The following DOCK2 variants were observed in gnomAD, a reference collection of about 807,000 sequenced individuals.
DOCK2 encodes the protein dedicator of cytokinesis protein 2.
Under a neutral mutation model 248.9 loss-of-function variants are expected in DOCK2, and 87 were observed. That is an observed-to-expected ratio of 0.35 (90% CI 0.29 to 0.42). DOCK2 has a LOEUF of 0.42. Among genes scored for constraint, DOCK2 ranks in the 10% least tolerant of loss-of-function variants. DOCK2 has a pLI of 1.00. For missense variants in DOCK2, 1,747 were observed against 2,300.2 expected (o/e 0.76, Z 4.92); for synonymous variants, 805 against 821.6 (o/e 0.98, Z 0.35).
At chr5:169,875,027 A>T (rs879602874) in intron 27 of DOCK2, among the ~76,000 whole-genome samples, 29 of 152,070 alleles carry the variant, frequency 1.9e-4, no homozygotes, top group Non-Finnish European at 3.2e-4. Context: ...CTAAAATCAA[A>T]GCCAAGCAGA....
intron 22 of DOCK2, among the ~76,000 whole-genome samples, chr5:169,745,714 A>G (rs556509559): frequency 2.6e-5 from 4 of 152,340 alleles, no homozygotes; most frequent in African/African-American, 9.6e-5. Context: ...GTGATTTCAC[A>G]GGCATCCAGG....
At chr5:169,931,474 C>T (rs1265929897) in intron 27 of DOCK2, among the ~76,000 whole-genome samples, 1 of 152,246 alleles carries the variant, frequency 6.6e-6, no homozygotes, top group Admixed American at 6.5e-5. Flanking sequence ...CACTAAGTTC[C>T]TGGCATATAA....
At chr5:169,861,812 C>T (rs1004100110) in intron 27 of DOCK2, among the ~76,000 whole-genome samples, 1 of 152,178 alleles carries the variant, frequency 6.6e-6, no homozygotes, top group African/African-American at 2.4e-5. Context: ...AGAACTCCTT[C>T]CCAGTTTCAG....
intron 42 of DOCK2, among the ~76,000 whole-genome samples, chr5:170,056,062 A>G (rs763675227): frequency 1.7e-4 from 26 of 152,310 alleles, no homozygotes; most frequent in Non-Finnish European, 3.5e-4. Flanking sequence ...GGACAGTCAG[A>G]AACAGGATCT....
At chr5:169,846,224 C>T (rs756060694) in intron 27 of DOCK2, among the ~76,000 whole-genome samples, 1 of 152,124 alleles carries the variant, frequency 6.6e-6, no homozygotes, top group Non-Finnish European at 1.5e-5. Flanking sequence ...AACTCTCATT[C>T]TTATACGGGA....
chr5:169,910,835 C>T (rs996727458), intron 27 of DOCK2, among the ~76,000 whole-genome samples: 1 of 152,190 alleles, frequency 6.6e-6, no homozygotes, highest in Non-Finnish European at 1.5e-5. Flanking sequence ...CTGGCTCCAG[C>T]CCCCAGTAGG....
Position 169,653,610 on chromosome 5 carries a change from G to A in DOCK2, c.44-793G>A, listed in dbSNP as rs190424954. Among the ~76,000 whole-genome samples the A allele has an allele frequency of 2.9e-3, 442 of 152,280 alleles. 1 individual carries two copies. The highest frequency in any genetic ancestry group is 9.5e-3 in the African/African-American group (394 of 41,560). ...TCCCAATGGTGCTGTGCTGGTCGGG[G>A]AGGAGCATGGGCCCAGCTCAGCTGG... On this transcript the variant is annotated intron_variant, in intron 1 of 51. Transcript: ENST00000520908.
intron 27 of DOCK2, among the ~76,000 whole-genome samples, chr5:169,963,970 C>G (rs942364517): frequency 6.6e-6 from 1 of 152,104 alleles, no homozygotes; most frequent in Admixed American, 6.5e-5. Context: ...CAGAGAGAAC[C>G]ACTGCTTCAA....
At chr5:169,743,440 G>A (rs545304576) in intron 22 of DOCK2, among the ~76,000 whole-genome samples, 55 of 152,290 alleles carry the variant, frequency 3.6e-4, no homozygotes, top group Non-Finnish European at 5.3e-4. Context: ...AGATCAGAGA[G>A]TTTGCCCAAA....
At position 169,927,585 on chromosome 5, in the gene DOCK2, A is replaced by G. The variant is rs1001981066; in HGVS notation, c.2800-55483A>G. ...GAATCAAAGATAATTCTAAAGGTAC[A>G]GTCCTGTGTGATCAGGAGGTAAAAC... On this transcript the variant is annotated intron_variant, in intron 27 of 51. Coordinates refer to ENST00000520908, the MANE Select transcript of DOCK2 (RefSeq NM_004946.3). 7.2e-5 allele frequency among the ~76,000 whole-genome samples: 11 copies of G among 152,240 alleles called. 1 individual carries two copies. Among genetic ancestry groups the G allele is most frequent in the African/African-American group, 9.6e-5 (4 of 41,458 alleles).
rs1757978112 is a variant in DOCK2, at chr5:170,080,166, T to C, written c.5170T>C (p.Ser1724Pro). The part of the protein sequence containing the change: ...AAAESDLKRL[S>P]RKHEFMSDTN... ...TGTGTCTGGTGTATTCCTCCAGCTT[T>C]CCAGGAAGCATGAGTTCATGAGTGA... is the stretch of plus-strand genomic sequence containing the variant. The change falls in exon 50 of 52, where the codon TCC (serine) becomes CCC (proline). Residue 1724 changes from serine to proline, a missense_variant. Ser to Pro is a moderately conservative substitution (Grantham distance 74). Transcript: ENST00000520908. The C allele has an allele frequency of 6.2e-7, 1 of 1,614,076 alleles. No homozygotes were observed. The highest frequency in any genetic ancestry group is 8.5e-7 in the Non-Finnish European group (1 of 1,179,972).
chr5:170,065,951 C>CCGT (rs1757474778), intron 44 of DOCK2, among the ~76,000 whole-genome samples: 1 of 125,700 alleles, frequency 8.0e-6, no homozygotes, highest in African/African-American at 3.4e-5. Context: ...CAAATGAAAA[C>CCGT]TGTTTTTTTT....
chr5:169,751,137 A>AT (rs5873190), intron 23 of DOCK2, among the ~76,000 whole-genome samples: 13,854 of 152,210 alleles, frequency 0.091, 1,124 homozygotes, highest in Admixed American at 0.28. Context: ...GGTTTAAATC[A>AT]TTTTTTAATC....
chr5:170,061,633 G>A (rs17072052), intron 44 of DOCK2, among the ~76,000 whole-genome samples: 37,093 of 152,184 alleles, frequency 0.24, 5,123 homozygotes, highest in African/African-American at 0.37. Context: ...GCCCGTAGGC[G>A]AGAAGCCAAA....
At chr5:169,800,944 CTTTTTTTTTT>C (rs60140740) in intron 25 of DOCK2, among the ~76,000 whole-genome samples, 18 of 53,188 alleles carry the variant, frequency 3.4e-4, no homozygotes, top group African/African-American at 2.0e-3. Context: ...TTCTTTCTTT[CTTTTTTTTTT>C]TTTTTTTTTT....
chr5:169,863,781 G>A (rs889331151), intron 27 of DOCK2, among the ~76,000 whole-genome samples: 1 of 152,194 alleles, frequency 6.6e-6, no homozygotes, highest in Admixed American at 6.5e-5. Flanking sequence ...TGCTTATTAT[G>A]TATGCTGATA....
In DOCK2 at chr5:169,700,097, G is replaced by A. The variant is rs761943047; in HGVS notation, c.1216G>A (p.Val406Met). 21 of 1,613,888 alleles carry A rather than the reference G, an allele frequency of 1.3e-5. No individual in the cohort carries two copies. The highest frequency in any genetic ancestry group is 1.7e-5 in the Admixed American group (1 of 60,000). Residue 406 changes from valine to methionine, a missense_variant, in exon 13 of 52, where the codon GTG (valine) becomes ATG (methionine). By Grantham distance (21) the Val-to-Met change is conservative. Coordinates refer to ENST00000520908, the MANE Select transcript of DOCK2 (RefSeq NM_004946.3). ...TCCACACCTGGTGGACAGGACCACC[G>A]TGGTGGCCAGGAAGCTGGGATTCCC... ...DYPHLVDRTT[V>M]VARKLGFPEI...
chr5:170,011,570 T>C (rs1489969635), intron 32 of DOCK2, among the ~76,000 whole-genome samples: 1 of 152,170 alleles, frequency 6.6e-6, no homozygotes, highest in Non-Finnish European at 1.5e-5. Context: ...GAACCAGGCT[T>C]CTCTTGTTCC....
chr5:169,781,590 C>G (rs1308550593), intron 25 of DOCK2, among the ~76,000 whole-genome samples: 2 of 152,172 alleles, frequency 1.3e-5, no homozygotes, highest in Non-Finnish European at 2.9e-5. Context: ...GTTTTGTGGG[C>G]ACTAGTGTCA....
Sources: gnomAD v4.1 joint callset for allele counts (sites outside exome capture counted in the v4.1 genomes callset) on GRCh38, gnomAD v4.1.1 for gene constraint, MANE v1.5 for transcripts, NCBI Gene and HGNC (gene_info 2026-07-23, HGNC 2026-07-21) for gene names.